The following SULF1 variants were observed in gnomAD, a reference collection of about 807,000 sequenced individuals.
SULF1 encodes sulfatase 1.
A neutral mutation model predicts 110.5 loss-of-function variants in SULF1; 46 were observed. That is an observed-to-expected ratio of 0.42 (90% CI 0.33 to 0.53). SULF1 has a LOEUF of 0.53. SULF1 is among the 20% of genes least tolerant of loss of function. The pLI, the probability that SULF1 is intolerant of heterozygous loss-of-function variation, is 0.12. For synonymous variants in SULF1, 371 were observed against 387.1 expected (o/e 0.96, Z 0.49); for missense variants, 941 against 1,094.2 (o/e 0.86, Z 1.98).
At chr8:69,635,707 CA>C (rs1810938910) in intron 19 of SULF1, among the ~76,000 whole-genome samples, 1 of 152,000 alleles carries the variant, frequency 6.6e-6, no homozygotes, top group African/African-American at 2.4e-5. Context: ...CCAATCTCTA[CA>C]AAAAATAAAA....
At chr8:69,476,051 G>T (rs1239112754) in intron 1 of SULF1, among the ~76,000 whole-genome samples, 1 of 152,142 alleles carries the variant, frequency 6.6e-6, no homozygotes, top group Admixed American at 6.5e-5. Context: ...GAGACTGTTA[G>T]TGGAGCGGAA....
chr8:69,616,760 C>G (rs1809182498), intron 13 of SULF1, among the ~76,000 whole-genome samples: 1 of 148,686 alleles, frequency 6.7e-6, no homozygotes, highest in Non-Finnish European at 1.5e-5. Context: ...GCCACACTGG[C>G]CAGGCTGGTC....
At chr8:69,567,607 C>T (rs922784962) in intron 5 of SULF1, among the ~76,000 whole-genome samples, 1 of 152,098 alleles carries the variant, frequency 6.6e-6, no homozygotes, top group Admixed American at 6.5e-5. Context: ...TTATGACTGG[C>T]TTATTTTACT....
intron 1 of SULF1, among the ~76,000 whole-genome samples, chr8:69,478,339 T>G (rs1809387175): frequency 6.6e-6 from 1 of 152,122 alleles, no homozygotes; most frequent in African/African-American, 2.4e-5. Context: ...ACTCCACTAC[T>G]CTAAAACACC....
intron 14 of SULF1, among the ~76,000 whole-genome samples, chr8:69,621,779 A>G (rs1809631169): frequency 6.6e-6 from 1 of 152,242 alleles, no homozygotes. Context: ...GGGACAAACT[A>G]GTTGCATTCA....
rs531099118 is a variant in SULF1 at position 69,522,336 on chromosome 8, T to C, written c.-134+20368T>C. Among the ~76,000 whole-genome samples the C allele has an allele frequency of 1.8e-4, 27 of 152,230 alleles. 1 individual carries two copies. The South Asian group carries it at 3.7e-3, about 21-fold the overall frequency. ...CTGGAATTACAGGCATGAGCCACCG[T>C]GCTCAGCCAAAGACGAATTCAAGAT... On this transcript the variant is annotated intron_variant, in intron 3 of 22. Coordinates refer to ENST00000402687, the MANE Select transcript of SULF1 (RefSeq NM_001128205.2).
At chr8:69,538,604 A>G (rs933123905) in intron 3 of SULF1, among the ~76,000 whole-genome samples, 4 of 152,176 alleles carry the variant, frequency 2.6e-5, no homozygotes, top group Admixed American at 6.5e-5. Context: ...AAATTAGACC[A>G]TGAGAGAAAG....
chr8:69,521,079 T>C (rs1263463900), intron 3 of SULF1, among the ~76,000 whole-genome samples: 1 of 152,348 alleles, frequency 6.6e-6, no homozygotes, highest in East Asian at 1.9e-4. Flanking sequence ...GAGGTTCTAG[T>C]GTCAAGCATA....
At chr8:69,513,067 ATAT>A (rs1811686433) in intron 3 of SULF1, among the ~76,000 whole-genome samples, 1 of 152,102 alleles carries the variant, frequency 6.6e-6, no homozygotes, top group African/African-American at 2.4e-5. Flanking sequence ...TTAGACTAGG[ATAT>A]TATCTGTCTA....
Position 69,621,159 on chromosome 8 carries a change from A to G in SULF1, c.1502A>G (p.Asp501Gly). 1.2e-6 allele frequency: 2 copies of G among 1,614,190 alleles called. No individual in the cohort carries two copies. The highest frequency in any genetic ancestry group is 1.1e-5 in the South Asian group (1 of 91,080). Residue 501 changes from aspartate (D) to glycine (G), a missense_variant, in exon 14 of 23, where the codon GAC becomes GGC. By Grantham distance (94) the Asp-to-Gly change is moderately conservative (BLOSUM62 -1). This residue lies in a region of SULF1 where 822 missense variants were observed against 934.3 expected (regional missense o/e 0.88). Transcript: ENST00000402687. ...NLYARGFHDK[D>G]KECSCRESGY... is the part of the protein sequence containing the mutation. ...TACGCTCGCGGCTTCCATGACAAAGACAAAGAGTGCAGTTGTAGGGAGTCT... is the reference window on the plus strand; with the variant it reads ...TACGCTCGCGGCTTCCATGACAAAGGCAAAGAGTGCAGTTGTAGGGAGTCT...
chr8:69,469,599 AT>A (rs1315016578), intron 1 of SULF1, among the ~76,000 whole-genome samples: 1 of 152,244 alleles, frequency 6.6e-6, no homozygotes, highest in African/African-American at 2.4e-5. Flanking sequence ...AAGTGACTTC[AT>A]GCAGATTGTT....
chr8:69,577,546 TTGGG>T (rs1563547963), intron 6 of SULF1, among the ~76,000 whole-genome samples: 30 of 152,154 alleles, frequency 2.0e-4, no homozygotes, highest in Admixed American at 1.9e-3. Flanking sequence ...ACTGGAACGA[TTGGG>T]ACTCTCACAT....
intron 3 of SULF1, among the ~76,000 whole-genome samples, chr8:69,546,611 A>T (rs1814275147): frequency 6.6e-6 from 1 of 152,254 alleles, no homozygotes; most frequent in Non-Finnish European, 1.5e-5. Context: ...TTTTGTAAAA[A>T]GACTTTAAAA....
chr8:69,567,213 AC>A (rs1311707263), intron 5 of SULF1, among the ~76,000 whole-genome samples: 1 of 151,254 alleles, frequency 6.6e-6, no homozygotes, highest in African/African-American at 2.4e-5. Context: ...TCCAGAAAAG[AC>A]CTCCTTTCTT....
At chr8:69,591,742 G>C (rs1002554607) in intron 8 of SULF1, among the ~76,000 whole-genome samples, 2 of 152,130 alleles carry the variant, frequency 1.3e-5, no homozygotes, top group African/African-American at 4.8e-5. Flanking sequence ...ACTAAGGCAG[G>C]GGTTGGCACA....
intron 1 of SULF1, among the ~76,000 whole-genome samples, chr8:69,475,200 A>T (rs112362508): frequency 6.6e-6 from 1 of 152,136 alleles, no homozygotes; most frequent in African/African-American, 2.4e-5. Flanking sequence ...ATTTCATGTC[A>T]TAGCTAAGTC....
chr8:69,537,200 T>A (rs1178563585), intron 3 of SULF1, among the ~76,000 whole-genome samples: 1 of 152,090 alleles, frequency 6.6e-6, no homozygotes, highest in Non-Finnish European at 1.5e-5. Context: ...ACTCTATTTG[T>A]CTCTGCTGGT....
At chr8:69,542,057 G>A (rs1813888592) in intron 3 of SULF1, among the ~76,000 whole-genome samples, 1 of 152,144 alleles carries the variant, frequency 6.6e-6, no homozygotes, top group African/African-American at 2.4e-5. Flanking sequence ...TTTCTTTACA[G>A]CGCTGTCATT....
chr8:69,520,120 C>T (rs893183538), intron 3 of SULF1, among the ~76,000 whole-genome samples: 4 of 137,278 alleles, frequency 2.9e-5, no homozygotes, highest in Admixed American at 2.7e-4. Context: ...GTTACACACA[C>T]ACACACACAC....
Sources: gnomAD v4.1 joint callset for allele counts (sites outside exome capture counted in the v4.1 genomes callset) on GRCh38, gnomAD v4.1.1 for gene constraint, gnomAD v4.1.1 regional missense constraint, MANE v1.5 for transcripts, NCBI Gene and HGNC (gene_info 2026-07-23, HGNC 2026-07-21) for gene names.